PLD5: variants seen among roughly 807,000 people sequenced by gnomAD.
PLD5 encodes phospholipase D family member 5, also known as inactive phospholipase D5.
Under a neutral mutation model 61.1 loss-of-function variants are expected in PLD5, and 36 were observed. The observed-to-expected ratio is 0.59, with a 90% CI of 0.45 to 0.78. The LOEUF (loss-of-function observed/expected upper bound fraction) is 0.78. Ranked by LOEUF, PLD5 falls within the 30% of genes least tolerant of loss-of-function variation. The pLI, the probability that PLD5 is intolerant of heterozygous loss-of-function variation, is 0.00. For synonymous variants in PLD5, 243 were observed against 242.8 expected, an observed-to-expected ratio of 1.00 and a Z score of -0.01; for missense variants, 515 against 644.4, an observed-to-expected ratio of 0.80 and a Z score of 2.17.
At chr1:242,212,984 A>T (rs933846212) in intron 5 of PLD5, among the ~76,000 whole-genome samples, 1 of 152,170 alleles carries the variant, frequency 6.6e-6, no homozygotes, top group African/African-American at 2.4e-5. Context: ...AGAACCATCA[A>T]ATAGTCCTTG....
intron 1 of PLD5, among the ~76,000 whole-genome samples, chr1:242,452,242 G>A (rs1237222819): frequency 2.0e-5 from 3 of 151,878 alleles, no homozygotes; most frequent in African/African-American, 4.8e-5. Context: ...TTAACCTAGT[G>A]GAAACAACAA....
At chr1:242,117,567 G>A (rs1662043132) in intron 6 of PLD5, among the ~76,000 whole-genome samples, 1 of 152,042 alleles carries the variant, frequency 6.6e-6, no homozygotes, top group South Asian at 2.1e-4. Context: ...TTTTAGTAGA[G>A]ACGGGGTTTC....
At chr1:242,301,166 TCC>T (rs1676014427) in intron 2 of PLD5, among the ~76,000 whole-genome samples, 1 of 152,074 alleles carries the variant, frequency 6.6e-6, no homozygotes, top group Admixed American at 6.6e-5. Context: ...CCCCTTCATG[TCC>T]AGATGTGCCC....
At chr1:242,478,261 A>G (rs1667660782) in intron 1 of PLD5, among the ~76,000 whole-genome samples, 1 of 152,168 alleles carries the variant, frequency 6.6e-6, no homozygotes, top group African/African-American at 2.4e-5. Context: ...CCAGGTTCCC[A>G]GAGGAAAGCT....
chr1:242,500,072 T>TGGTTCAGATG (rs1668505157), intron 1 of PLD5, among the ~76,000 whole-genome samples: 1 of 152,166 alleles, frequency 6.6e-6, no homozygotes, highest in Non-Finnish European at 1.5e-5. Flanking sequence ...CCAAGAATAA[T>TGGTTCAGATG]GGTTCAGATG....
intron 4 of PLD5, among the ~76,000 whole-genome samples, chr1:242,227,142 C>T (rs1415869887): frequency 3.3e-5 from 5 of 152,100 alleles, no homozygotes; most frequent in African/African-American, 1.2e-4. Flanking sequence ...TAGTAACTAT[C>T]TCATCTATAG....
At position 242,343,120 on chromosome 1, in the gene PLD5, G is replaced by C. The variant is rs78271917; in HGVS notation, c.326+4986C>G. ...ATTAAAGTACTATATTTAAGAAAGA[G>C]TACACCAGATGAAGAGGTCTTGGGG... On this transcript the variant is annotated intron_variant, in intron 2 of 9. Coordinates refer to ENST00000536534, the MANE Select transcript of PLD5 (RefSeq NM_001372062.1). 9.6e-3 allele frequency among the ~76,000 whole-genome samples: 1,466 copies of C among 152,052 alleles called. 74 individuals are homozygous for C. Among genetic ancestry groups the C allele is most frequent in the Admixed American group, 0.072 (1,098 of 15,274 alleles).
At chr1:242,277,246 C>T (rs1187461470) in intron 3 of PLD5, among the ~76,000 whole-genome samples, 1 of 152,082 alleles carries the variant, frequency 6.6e-6, no homozygotes, top group Non-Finnish European at 1.5e-5. Context: ...CCAGAATGTG[C>T]CAAATATCCC....
chr1:242,283,962 A>C (rs767969537), intron 3 of PLD5, among the ~76,000 whole-genome samples: 9 of 151,926 alleles, frequency 5.9e-5, no homozygotes, highest in Non-Finnish European at 1.3e-4. Context: ...AAAGAACAGG[A>C]TATAGGGGTC....
chr1:242,227,438 C>T (rs527679896), intron 4 of PLD5, among the ~76,000 whole-genome samples: 1 of 152,260 alleles, frequency 6.6e-6, no homozygotes, highest in East Asian at 1.9e-4. Context: ...GATCTTGGCT[C>T]ATTGCAACCT....
At chr1:242,163,150 T>TTTTG (rs1558291133) in intron 5 of PLD5, among the ~76,000 whole-genome samples, 1 of 147,108 alleles carries the variant, frequency 6.8e-6, no homozygotes, top group African/African-American at 2.5e-5. Context: ...TTCTTTTCTT[T>TTTTG]CTTTTCTTGA....
At chr1:242,132,541 T>C (rs2148762767) in intron 5 of PLD5, among the ~76,000 whole-genome samples, 1 of 152,320 alleles carries the variant, frequency 6.6e-6, no homozygotes, top group East Asian at 1.9e-4. Flanking sequence ...GCTGCTGATT[T>C]ATATTCTGAG....
chr1:242,292,963 T>G (rs1012854954), intron 2 of PLD5, among the ~76,000 whole-genome samples: 2 of 152,204 alleles, frequency 1.3e-5, no homozygotes, highest in South Asian at 4.1e-4. Context: ...GAATAATGCA[T>G]AGGTTTCATC....
intron 4 of PLD5, among the ~76,000 whole-genome samples, chr1:242,237,102 AG>A (rs34641967): frequency 2.6e-5 from 4 of 152,250 alleles, no homozygotes; most frequent in Non-Finnish European, 4.4e-5. Context: ...ACTGCAGCTC[AG>A]GGGAATTCTC....
chr1:242,491,707 G>A (rs1668158069), intron 1 of PLD5, among the ~76,000 whole-genome samples: 2 of 152,102 alleles, frequency 1.3e-5, no homozygotes, highest in South Asian at 4.1e-4. Flanking sequence ...CTGAAACTCA[G>A]TCTTCAGATT....
chr1:242,176,806 C>T (rs1218210830), intron 5 of PLD5, among the ~76,000 whole-genome samples: 3 of 152,178 alleles, frequency 2.0e-5, no homozygotes, highest in African/African-American at 7.2e-5. Context: ...ATTTCTGCAG[C>T]CAACAAACAT....
chr1:242,196,795 G>A (rs1221591746), intron 5 of PLD5, among the ~76,000 whole-genome samples: 2 of 152,178 alleles, frequency 1.3e-5, no homozygotes, highest in South Asian at 2.1e-4. Flanking sequence ...GGTGATCACT[G>A]TGAACACACT....
chr1:242,419,342 A>G (rs373744646), intron 1 of PLD5, among the ~76,000 whole-genome samples: 40 of 151,664 alleles, frequency 2.6e-4, no homozygotes, highest in African/African-American at 9.2e-4. Flanking sequence ...TGTTCCATGA[A>G]TACAGCCATC....
intron 5 of PLD5, among the ~76,000 whole-genome samples, chr1:242,170,931 G>A (rs769018211): frequency 6.6e-6 from 1 of 152,194 alleles, no homozygotes; most frequent in African/African-American, 2.4e-5. Flanking sequence ...GTACCTGAAA[G>A]TGACAGGGAG....
Sources: gnomAD v4.1 joint callset for allele counts (sites outside exome capture counted in the v4.1 genomes callset) on GRCh38, gnomAD v4.1.1 for gene constraint, MANE v1.5 for transcripts, NCBI Gene and HGNC (gene_info 2026-07-23, HGNC 2026-07-21) for gene names.